VPS13B: variants seen among roughly 807,000 people sequenced by gnomAD.
VPS13B encodes the protein vacuolar protein sorting 13 homolog B, also known as intermembrane lipid transfer protein VPS13B.
In VPS13B, 285 loss-of-function variants were observed where a neutral mutation model predicts 426.4. The ratio of observed to expected loss-of-function variants is 0.67; its 90% CI spans 0.61 to 0.74. The LOEUF is 0.74. Ranked by LOEUF, VPS13B falls within the 30% of genes least tolerant of loss-of-function variation. The pLI, the probability that VPS13B is intolerant of heterozygous loss-of-function variation, is 0.00. For synonymous variants in VPS13B, 1,676 were observed against 1,676.4 expected, an observed-to-expected ratio of 1.00 and a Z score of 0.01; for missense variants, 4,537 against 4,782.6, an observed-to-expected ratio of 0.95 and a Z score of 1.51.
intron 39 of VPS13B, among the ~76,000 whole-genome samples, chr8:99,724,548 A>G (rs527731978): frequency 1.4e-3 from 206 of 152,068 alleles, no homozygotes; most frequent in African/African-American, 4.6e-3. Context: ...TGGGCAAACT[A>G]CTGATCTTTT....
intron 35 of VPS13B, among the ~76,000 whole-genome samples, chr8:99,681,514 AC>A (rs761218394): frequency 6.6e-6 from 1 of 152,180 alleles, no homozygotes; most frequent in Non-Finnish European, 1.5e-5. Context: ...TATACAAAAA[AC>A]ATTTGAAAAG....
intron 23 of VPS13B, among the ~76,000 whole-genome samples, chr8:99,455,345 T>C (rs554981656): frequency 6.6e-6 from 1 of 152,232 alleles, no homozygotes; most frequent in African/African-American, 2.4e-5. Context: ...TTCTGCAGGC[T>C]GTACAGGAAG....
intron 17 of VPS13B, 96 bp from the exon 18 acceptor site, chr8:99,274,102 C>T (rs1016409927): frequency 1.3e-6 from 2 of 1,493,530 alleles, no homozygotes; most frequent in Non-Finnish European, 1.9e-6. Flanking sequence ...CTGAGGTAGA[C>T]AGTTAGAGTA....
At chr8:99,056,953 A>T (rs552184513) in intron 3 of VPS13B, among the ~76,000 whole-genome samples, 1 of 152,224 alleles carries the variant, frequency 6.6e-6, no homozygotes, top group East Asian at 1.9e-4. Flanking sequence ...TTAGATTTAT[A>T]CCTAAATATT....
At chr8:99,092,663 G>A (rs1251767210) in intron 3 of VPS13B, among the ~76,000 whole-genome samples, 1 of 152,004 alleles carries the variant, frequency 6.6e-6, no homozygotes, top group Non-Finnish European at 1.5e-5. Flanking sequence ...TAATTGAAAT[G>A]AAAGCAAGTT....
At chr8:99,123,792 A>G (rs921720510) in intron 8 of VPS13B, among the ~76,000 whole-genome samples, 4 of 152,160 alleles carry the variant, frequency 2.6e-5, no homozygotes, top group South Asian at 2.1e-4. Context: ...CTCTTAAACA[A>G]CTAGAAGAGT....
At chr8:99,663,961 G>A (rs909913026) in intron 35 of VPS13B, among the ~76,000 whole-genome samples, 3 of 151,204 alleles carry the variant, frequency 2.0e-5, no homozygotes, top group Non-Finnish European at 2.9e-5. Context: ...GAAAAATTAT[G>A]TATTTACAAT....
intron 31 of VPS13B, among the ~76,000 whole-genome samples, chr8:99,574,213 G>A (rs181692513): frequency 2.6e-5 from 4 of 152,194 alleles, no homozygotes; most frequent in African/African-American, 9.6e-5. Context: ...GAGAGGATGG[G>A]GTTTTCTAAA....
At chr8:99,416,595 G>A (rs538627317) in intron 21 of VPS13B, among the ~76,000 whole-genome samples, 1 of 152,318 alleles carries the variant, frequency 6.6e-6, no homozygotes, top group African/African-American at 2.4e-5. Flanking sequence ...AAGACCCTGG[G>A]AAAAGCATAG....
chr8:99,115,219 CAT>C (rs767097147), intron 6 of VPS13B, among the ~76,000 whole-genome samples: 14 of 152,070 alleles, frequency 9.2e-5, no homozygotes, highest in Non-Finnish European at 1.8e-4. Flanking sequence ...CCCCAGTTAA[CAT>C]ATGGTTTTAG....
chr8:99,721,568 C>CCT (rs10625374), intron 39 of VPS13B, among the ~76,000 whole-genome samples: 10,429 of 152,156 alleles, frequency 0.069, 528 homozygotes, highest in African/African-American at 0.14. Flanking sequence ...CTTGTTATTC[C>CCT]GAGTTTAATA....
intron 17 of VPS13B, among the ~76,000 whole-genome samples, chr8:99,251,985 A>C (rs1218316651): frequency 1.3e-5 from 2 of 151,392 alleles, no homozygotes; most frequent in Non-Finnish European, 3.0e-5. Context: ...GAGTTTTTTC[A>C]GTTTTATTGA....
chr8:99,101,458 G>C (rs2132448833), intron 4 of VPS13B, among the ~76,000 whole-genome samples: 1 of 152,242 alleles, frequency 6.6e-6, no homozygotes, highest in Middle Eastern at 3.4e-3. Context: ...AATCTGCATT[G>C]AGTAGTAATA....
At chr8:99,690,777 A>G (rs1163828689) in intron 35 of VPS13B, among the ~76,000 whole-genome samples, 1 of 152,210 alleles carries the variant, frequency 6.6e-6, no homozygotes, top group Admixed American at 6.5e-5. Context: ...ATCATTAGTA[A>G]TTAGGGAAAT....
At chr8:99,624,750 A>G (rs1828530943) in intron 33 of VPS13B, among the ~76,000 whole-genome samples, 1 of 149,440 alleles carries the variant, frequency 6.7e-6, no homozygotes, top group Non-Finnish European at 1.5e-5. Flanking sequence ...CTTTTCTACC[A>G]TTCTGACTGC....
At chr8:99,820,260 T>A in intron 49 of VPS13B, 138 bp downstream of exon 49, 1 of 794,194 alleles carries the variant, frequency 1.3e-6, no homozygotes, top group South Asian at 1.7e-5. Flanking sequence ...AGGTATGGAA[T>A]GTTCTTTGAT....
At chr8:99,039,661 T>C (rs962284934) in intron 3 of VPS13B, among the ~76,000 whole-genome samples, 2 of 152,112 alleles carry the variant, frequency 1.3e-5, no homozygotes, top group African/African-American at 2.4e-5. Flanking sequence ...ATCTGTAAGT[T>C]TAACGTATTC....
At chr8:99,560,253 A>AT in intron 31 of VPS13B, among the ~76,000 whole-genome samples, 1 of 152,038 alleles carries the variant, frequency 6.6e-6, no homozygotes, top group African/African-American at 2.4e-5. Flanking sequence ...TTACACATTG[A>AT]TTTTGTATCC....
intron 21 of VPS13B, among the ~76,000 whole-genome samples, chr8:99,420,894 T>A (rs116918143): frequency 6.6e-6 from 1 of 152,300 alleles, no homozygotes; most frequent in Non-Finnish European, 1.5e-5. Context: ...GGAGTACAGT[T>A]GTGTTTCAGA....
Sources: gnomAD v4.1 joint callset for allele counts (sites outside exome capture counted in the v4.1 genomes callset) on GRCh38, gnomAD v4.1.1 for gene constraint, MANE v1.5 for transcripts, NCBI Gene and HGNC (gene_info 2026-07-23, HGNC 2026-07-21) for gene names.